Variants in PTPRD observed in about 807,000 individuals in gnomAD.
PTPRD encodes the protein receptor-type tyrosine-protein phosphatase delta.
PTPRD carries 34 observed loss-of-function variants against 214.5 expected under a neutral mutation model. That is an observed-to-expected ratio of 0.16 (90% CI 0.12 to 0.21). PTPRD has a LOEUF of 0.21. PTPRD is among the 10% of genes least tolerant of loss of function. PTPRD has a pLI of 1.00. For missense variants in PTPRD, 2,545 were observed against 2,398.7 expected (o/e 1.06, Z -1.27); for synonymous variants, 1,128 against 845.7 (o/e 1.33, Z -5.79).
At chr9:10,494,613 C>T (rs182556476) in intron 2 of PTPRD, among the ~76,000 whole-genome samples, 173 of 147,606 alleles carry the variant, frequency 1.2e-3, no homozygotes, top group Admixed American at 2.8e-3. Flanking sequence ...GGTCTTTTCT[C>T]TCAGTCTGGG....
chr9:10,086,782 C>G (rs1483398741), intron 3 of PTPRD, among the ~76,000 whole-genome samples: 1 of 151,788 alleles, frequency 6.6e-6, no homozygotes, highest in East Asian at 1.9e-4. Context: ...TGCAACTTTT[C>G]TTTCATAATT....
At chr9:9,611,433 T>C (rs1276862412) in intron 7 of PTPRD, among the ~76,000 whole-genome samples, 1 of 152,188 alleles carries the variant, frequency 6.6e-6, no homozygotes, top group Non-Finnish European at 1.5e-5. Flanking sequence ...TCGTAATTAT[T>C]TAATTACTGA....
At chr9:10,035,490 G>C (rs566473349) in intron 3 of PTPRD, among the ~76,000 whole-genome samples, 2 of 152,034 alleles carry the variant, frequency 1.3e-5, no homozygotes, top group Non-Finnish European at 2.9e-5. Flanking sequence ...TGGCATCTTC[G>C]TCATGAAATC....
At chr9:9,373,285 G>C (rs1250243565) in intron 9 of PTPRD, among the ~76,000 whole-genome samples, 1 of 152,036 alleles carries the variant, frequency 6.6e-6, no homozygotes, top group Non-Finnish European at 1.5e-5. Flanking sequence ...AATTTGGTGA[G>C]AGAAATAAGT....
At chr9:8,894,627 G>A (rs2098590922) in intron 11 of PTPRD, among the ~76,000 whole-genome samples, 1 of 152,040 alleles carries the variant, frequency 6.6e-6, no homozygotes, top group Admixed American at 6.6e-5. Context: ...TTCAACTTAT[G>A]AAAAGTCATT....
chr9:9,380,340 G>A (rs555190010), intron 9 of PTPRD, among the ~76,000 whole-genome samples: 90 of 152,090 alleles, frequency 5.9e-4, no homozygotes, highest in African/African-American at 2.0e-3. Context: ...GTGTTATTTA[G>A]AAGAATGCAA....
chr9:8,354,795 T>C (rs965231606), intron 39 of PTPRD, among the ~76,000 whole-genome samples: 1 of 152,170 alleles, frequency 6.6e-6, no homozygotes, highest in African/African-American at 2.4e-5. Context: ...ACAGTTTTCC[T>C]TGGAGCTCCC....
chr9:8,321,485 G>C (rs4008234), intron 44 of PTPRD, among the ~76,000 whole-genome samples: 28 of 45,378 alleles, frequency 6.2e-4, no homozygotes, highest in African/African-American at 3.5e-3. Flanking sequence ...GTGTGTGTGT[G>C]TGTATATATA....
At chr9:8,375,123 T>C (rs2082829317) in intron 39 of PTPRD, among the ~76,000 whole-genome samples, 1 of 151,938 alleles carries the variant, frequency 6.6e-6, no homozygotes, top group Non-Finnish European at 1.5e-5. Context: ...AGAACTATCA[T>C]GAAATTATAT....
At chr9:9,509,672 C>T (rs1569568899) in intron 8 of PTPRD, among the ~76,000 whole-genome samples, 1 of 151,600 alleles carries the variant, frequency 6.6e-6, no homozygotes, top group East Asian at 1.9e-4. Context: ...GAGAATAAAG[C>T]CGTATTCCTT....
chr9:9,889,358 A>C (rs2072329025), intron 5 of PTPRD, among the ~76,000 whole-genome samples: 1 of 152,166 alleles, frequency 6.6e-6, no homozygotes, highest in African/African-American at 2.4e-5. Context: ...GCTTCAAAAC[A>C]TCATGGCATA....
At chr9:8,546,781 G>A (rs984747128) in intron 14 of PTPRD, among the ~76,000 whole-genome samples, 2 of 152,180 alleles carry the variant, frequency 1.3e-5, no homozygotes, top group African/African-American at 2.4e-5. Context: ...GATTCCAGGC[G>A]TGAGCCACCG....
intron 9 of PTPRD, among the ~76,000 whole-genome samples, chr9:9,244,957 C>A (rs909256577): frequency 6.6e-6 from 1 of 152,070 alleles, no homozygotes; most frequent in Non-Finnish European, 1.5e-5. Flanking sequence ...GCAAACAACC[C>A]CATCAAAAAG....
intron 11 of PTPRD, among the ~76,000 whole-genome samples, chr9:8,836,592 T>TTTA (rs2097428410): frequency 9.2e-6 from 1 of 108,616 alleles, no homozygotes; most frequent in South Asian, 3.0e-4. Context: ...AAAACCTTTT[T>TTTA]TTTTTTTTTT....
intron 11 of PTPRD, among the ~76,000 whole-genome samples, chr9:8,823,571 G>A (rs1476561594): frequency 6.6e-6 from 1 of 151,978 alleles, no homozygotes; most frequent in Admixed American, 6.6e-5. Context: ...AGATCACCTG[G>A]GCCAGGGAGG....
At chr9:9,022,693 G>T (rs114595595) in intron 10 of PTPRD, among the ~76,000 whole-genome samples, 1 of 152,156 alleles carries the variant, frequency 6.6e-6, no homozygotes, top group Non-Finnish European at 1.5e-5. Context: ...GCTTTGCTAA[G>T]ATTTTCAAAG....
At chr9:9,123,925 A>G (rs1483196086) in intron 10 of PTPRD, among the ~76,000 whole-genome samples, 1 of 152,012 alleles carries the variant, frequency 6.6e-6, no homozygotes, top group Non-Finnish European at 1.5e-5. Flanking sequence ...CAAAGAGAAT[A>G]TCTAAGCTAA....
intron 44 of PTPRD, among the ~76,000 whole-genome samples, chr9:8,322,551 G>T (rs1829459701): frequency 6.6e-6 from 1 of 152,152 alleles, no homozygotes; most frequent in Non-Finnish European, 1.5e-5. Flanking sequence ...ATTCTATGAA[G>T]GCTGGGAGGT....
At position 8,741,212 on chromosome 9, in the gene PTPRD, G is replaced by GA. The variant is rs142984930; in HGVS notation, c.-103-7267dup. Among the ~76,000 whole-genome samples the GA allele has an allele frequency of 1.5e-4, 23 of 150,214 alleles. No homozygotes were observed. In the East Asian group the frequency reaches 2.0e-3, roughly 13 times the overall value. Reference sequence around the variant, plus strand: ...CCGTGAGAAATGAACAGATAGAAAGGAAAAAAAAACCTCATCTCCCTTTGT... The same window carrying GA: ...CCGTGAGAAATGAACAGATAGAAAGGAAAAAAAAAACCTCATCTCCCTTTGT... On this transcript the variant is annotated intron_variant, in intron 11 of 45. Coordinates refer to ENST00000381196, the MANE Select transcript of PTPRD (RefSeq NM_002839.4).
Sources: gnomAD v4.1 joint callset for allele counts (sites outside exome capture counted in the v4.1 genomes callset) on GRCh38, gnomAD v4.1.1 for gene constraint, MANE v1.5 for transcripts, NCBI Gene and HGNC (gene_info 2026-07-23, HGNC 2026-07-21) for gene names.